The following TMEM132D variants were observed in gnomAD, a reference collection of about 807,000 sequenced individuals.
The protein encoded by TMEM132D is mature OL transmembrane protein.
TMEM132D carries 21 observed loss-of-function variants against 62.3 expected under a neutral mutation model. That is an observed-to-expected ratio of 0.34 (90% CI 0.24 to 0.49). TMEM132D has a LOEUF of 0.49. TMEM132D is among the 20% of genes least tolerant of loss of function. TMEM132D has a pLI of 0.99. For synonymous variants in TMEM132D, 621 were observed against 575.6 expected (o/e 1.08, Z -1.13); for missense variants, 1,346 against 1,402.8 (o/e 0.96, Z 0.65).
intron 3 of TMEM132D, among the ~76,000 whole-genome samples, chr12:129,447,709 G>A (rs1873145674): frequency 6.6e-6 from 1 of 152,138 alleles, no homozygotes. Context: ...GAAGAACACT[G>A]GGGTAGTAGT....
intron 4 of TMEM132D, among the ~76,000 whole-genome samples, chr12:129,285,037 A>G (rs755576631): frequency 6.6e-6 from 1 of 152,216 alleles, no homozygotes; most frequent in Non-Finnish European, 1.5e-5. Context: ...TGTTCTCTTC[A>G]ATGTTAATTT....
intron 5 of TMEM132D, among the ~76,000 whole-genome samples, chr12:129,108,679 T>A (rs1231750478): frequency 6.6e-6 from 1 of 152,194 alleles, no homozygotes; most frequent in Non-Finnish European, 1.5e-5. Flanking sequence ...CTCAGATGCA[T>A]GCGGTATTTC....
At chr12:129,717,656 T>A (rs902003236) in intron 1 of TMEM132D, among the ~76,000 whole-genome samples, 1 of 150,158 alleles carries the variant, frequency 6.7e-6, no homozygotes, top group Non-Finnish European at 1.5e-5. Flanking sequence ...AATGTCTCCC[T>A]GGAAAAATAA....
At chr12:129,414,200 T>C (rs1002464985) in intron 3 of TMEM132D, among the ~76,000 whole-genome samples, 3 of 152,254 alleles carry the variant, frequency 2.0e-5, no homozygotes, top group African/African-American at 7.2e-5. Flanking sequence ...TTTTAAATTA[T>C]ACATTTGTTT....
chr12:129,632,605 G>T (rs939683412), intron 2 of TMEM132D, among the ~76,000 whole-genome samples: 1 of 152,140 alleles, frequency 6.6e-6, no homozygotes, highest in Admixed American at 6.5e-5. Flanking sequence ...ATGGCTGTCC[G>T]CTCTGAGCAC....
chr12:129,197,712 G>A (rs1225566171), intron 5 of TMEM132D, among the ~76,000 whole-genome samples: 1 of 152,208 alleles, frequency 6.6e-6, no homozygotes, highest in Non-Finnish European at 1.5e-5. Context: ...GGGAAACACT[G>A]TATGAGTTGT....
chr12:129,522,553 G>A (rs1189274524), intron 3 of TMEM132D: 1 of 152,190 alleles, frequency 6.6e-6, no homozygotes, highest in Non-Finnish European at 1.5e-5. Flanking sequence ...GTAAAGGGTT[G>A]TCATGGAGCG....
chr12:129,522,835 T>C (rs1875891703), intron 3 of TMEM132D: 1 of 152,012 alleles, frequency 6.6e-6, no homozygotes, highest in Non-Finnish European at 1.5e-5. Context: ...ATGGATAAGA[T>C]ATAGATATAA....
At chr12:129,708,964 C>T (rs1593129342) in intron 1 of TMEM132D, among the ~76,000 whole-genome samples, 1 of 152,182 alleles carries the variant, frequency 6.6e-6, no homozygotes, top group Non-Finnish European at 1.5e-5. Flanking sequence ...TGTATCAGAA[C>T]TTTCCAGAGT....
At position 129,073,785 on chromosome 12, in the gene TMEM132D, CTTTGTT is replaced by C; in HGVS notation, c.*84_*89del. 4 of 1,202,876 alleles carry C rather than the reference CTTTGTT, an allele frequency of 3.3e-6. No homozygotes were observed. Among genetic ancestry groups the C allele is most frequent in the Non-Finnish European group, 4.7e-6 (4 of 853,356 alleles). 74.5% of individuals were successfully genotyped at this position (1,202,876 alleles called of 1,614,324 possible). On this transcript the variant is annotated 3_prime_UTR_variant, in exon 9 of 9. Coordinates refer to ENST00000422113, the MANE Select transcript of TMEM132D (RefSeq NM_133448.3). ...GTGTCATCCTTATTTTGTCCTGCTG[CTTTGTT>C]TCTCTTCCGGGGGCACCGTTGCTAC... is the stretch of plus-strand genomic sequence containing the variant.
intron 5 of TMEM132D, among the ~76,000 whole-genome samples, chr12:129,191,322 C>T (rs1593291170): frequency 2.0e-5 from 3 of 151,168 alleles, no homozygotes; most frequent in Admixed American, 2.0e-4. Context: ...CACACACACA[C>T]ACACTTCTAC....
At chr12:129,105,906 C>T (rs1274460201) in intron 5 of TMEM132D, among the ~76,000 whole-genome samples, 2 of 151,158 alleles carry the variant, frequency 1.3e-5, no homozygotes, top group African/African-American at 4.9e-5. Flanking sequence ...ACCCAGCCAT[C>T]CCATTACTGG....
At chr12:129,424,683 G>T in intron 3 of TMEM132D, among the ~76,000 whole-genome samples, 1 of 133,852 alleles carries the variant, frequency 7.5e-6, no homozygotes, top group Non-Finnish European at 1.6e-5. Flanking sequence ...ACTCCAGCCT[G>T]GGTGACAGAG....
intron 5 of TMEM132D, among the ~76,000 whole-genome samples, chr12:129,127,584 A>G (rs1876252553): frequency 6.6e-6 from 1 of 152,182 alleles, no homozygotes; most frequent in Middle Eastern, 3.2e-3. Flanking sequence ...CGCTAAATAC[A>G]GGGGCCTTTA....
chr12:129,207,189 G>C (rs1424409300), intron 5 of TMEM132D, among the ~76,000 whole-genome samples: 1 of 152,084 alleles, frequency 6.6e-6, no homozygotes, highest in East Asian at 1.9e-4. Context: ...AGCAAACAAA[G>C]TGGACCCAAA....
intron 4 of TMEM132D, among the ~76,000 whole-genome samples, chr12:129,308,715 T>C (rs553608389): frequency 6.6e-6 from 1 of 152,238 alleles, no homozygotes; most frequent in Admixed American, 6.5e-5. Flanking sequence ...AGATGGTAAA[T>C]GGATTTATTA....
At chr12:129,756,822 G>C (rs1006706408) in intron 1 of TMEM132D, among the ~76,000 whole-genome samples, 2 of 152,182 alleles carry the variant, frequency 1.3e-5, no homozygotes, top group African/African-American at 4.8e-5. Context: ...CAGCACAACT[G>C]TCCATGCCGC....
intron 2 of TMEM132D, among the ~76,000 whole-genome samples, chr12:129,648,488 TC>T (rs1385352448): frequency 6.6e-6 from 1 of 152,066 alleles, no homozygotes; most frequent in Admixed American, 6.5e-5. Flanking sequence ...CTATTGCAAT[TC>T]CCTTGTCTTC....
chr12:129,751,626 T>A (rs902518896), intron 1 of TMEM132D, among the ~76,000 whole-genome samples: 2 of 152,242 alleles, frequency 1.3e-5, no homozygotes, highest in African/African-American at 4.8e-5. Flanking sequence ...AGGCATTTGC[T>A]TTGGGGCTCC....
Sources: gnomAD v4.1 joint callset for allele counts (sites outside exome capture counted in the v4.1 genomes callset) on GRCh38, gnomAD v4.1.1 for gene constraint, MANE v1.5 for transcripts, NCBI Gene and HGNC (gene_info 2026-07-23, HGNC 2026-07-21) for gene names.